The following PACRG variants were observed in gnomAD, a reference collection of about 807,000 sequenced individuals.
PACRG encodes the protein parkin coregulated.
A neutral mutation model predicts 29.7 loss-of-function variants in PACRG; 29 were observed. That is an observed-to-expected ratio of 0.98 (90% confidence interval 0.73 to 1.33). The LOEUF (loss-of-function observed/expected upper bound fraction) is 1.33. Among genes scored for constraint, PACRG ranks in the 40% most tolerant of loss-of-function variants. The pLI is 0.00. For missense variants in PACRG, 279 were observed against 316.2 expected (o/e 0.88, Z 0.89); for synonymous variants, 116 against 118.7 (o/e 0.98, Z 0.15).
At chr6:163,265,129 C>T (rs766659041) in intron 4 of PACRG, among the ~76,000 whole-genome samples, 5 of 152,148 alleles carry the variant, frequency 3.3e-5, no homozygotes, top group Admixed American at 6.5e-5. Context: ...CATGCATGAA[C>T]GAATGAATGC....
chr6:163,127,260 C>A (rs1361343253), intron 4 of PACRG, among the ~76,000 whole-genome samples: 1 of 152,190 alleles, frequency 6.6e-6, no homozygotes, highest in African/African-American at 2.4e-5. Context: ...ATATTTCAGA[C>A]AAGTATTGTT....
At chr6:163,198,206 A>C (rs2128365846) in intron 4 of PACRG, among the ~76,000 whole-genome samples, 1 of 152,354 alleles carries the variant, frequency 6.6e-6, no homozygotes, top group African/African-American at 2.4e-5. Flanking sequence ...GTGACCACAG[A>C]TTTTTAATAT....
At position 163,008,671 on chromosome 6, in the gene PACRG, G is replaced by A. The variant is rs550133292; in HGVS notation, c.292-53479G>A. On this transcript the variant is annotated intron_variant, in intron 2 of 4. Transcript: ENST00000366888. Reference sequence around the variant, plus strand: ...CTTTATTCTCGCCATCCGAGATAGCGGCTCAGCACCTCACATGGTAAGAGG... The same window carrying A: ...CTTTATTCTCGCCATCCGAGATAGCAGCTCAGCACCTCACATGGTAAGAGG... 2.7e-5 allele frequency among the ~76,000 whole-genome samples: 4 copies of A among 148,092 alleles called. No homozygotes were observed. In the South Asian group the frequency reaches 6.9e-4, roughly 26 times the overall value.
At chr6:163,256,669 C>G (rs756095766) in intron 4 of PACRG, among the ~76,000 whole-genome samples, 6 of 152,084 alleles carry the variant, frequency 3.9e-5, no homozygotes, top group Non-Finnish European at 8.8e-5. Flanking sequence ...GGCCAGTGCC[C>G]GAGTGAAGGC....
At chr6:163,089,917 A>G (rs906782297) in intron 4 of PACRG, among the ~76,000 whole-genome samples, 1 of 152,148 alleles carries the variant, frequency 6.6e-6, no homozygotes, top group African/African-American at 2.4e-5. Context: ...ATATGGCTCT[A>G]TTTTACCCTA....
intron 2 of PACRG, among the ~76,000 whole-genome samples, chr6:162,974,750 C>T (rs1429981633): frequency 6.6e-6 from 1 of 152,102 alleles, no homozygotes; most frequent in Non-Finnish European, 1.5e-5. Context: ...ATAATCTTAT[C>T]CGGGAGATAT....
chr6:163,022,897 G>A (rs1427084825), intron 2 of PACRG, among the ~76,000 whole-genome samples: 1 of 152,120 alleles, frequency 6.6e-6, no homozygotes. Flanking sequence ...CAATTTTTGT[G>A]AGTATCCCAG....
chr6:162,978,205 C>G (rs951344595), intron 2 of PACRG, among the ~76,000 whole-genome samples: 1 of 151,942 alleles, frequency 6.6e-6, no homozygotes, highest in Non-Finnish European at 1.5e-5. Flanking sequence ...AGCATGAATG[C>G]TCATTACTTA....
chr6:163,158,528 T>A (rs1008871471), intron 4 of PACRG, among the ~76,000 whole-genome samples: 1 of 152,142 alleles, frequency 6.6e-6, no homozygotes, highest in Admixed American at 6.5e-5. Context: ...CAGTAGGATG[T>A]GTGTCATTAA....
At chr6:163,309,673 T>G (rs955860391) in intron 4 of PACRG, among the ~76,000 whole-genome samples, 1 of 152,218 alleles carries the variant, frequency 6.6e-6, no homozygotes, top group African/African-American at 2.4e-5. Flanking sequence ...TAGTGTTTCC[T>G]GGGAGAATGT....
intron 2 of PACRG, among the ~76,000 whole-genome samples, chr6:162,902,884 A>G (rs781545851): frequency 6.6e-6 from 1 of 152,182 alleles, no homozygotes; most frequent in Non-Finnish European, 1.5e-5. Context: ...CTTCAATTCC[A>G]AAAGCATTTT....
At chr6:162,786,199 G>T (rs1194022411) in intron 1 of PACRG, among the ~76,000 whole-genome samples, 2 of 152,220 alleles carry the variant, frequency 1.3e-5, no homozygotes, top group Non-Finnish European at 2.9e-5. Flanking sequence ...GGCTCAGAGA[G>T]AGCCTCAGCT....
chr6:162,771,776 T>C (rs1783240762), intron 1 of PACRG, among the ~76,000 whole-genome samples: 1 of 152,206 alleles, frequency 6.6e-6, no homozygotes. Context: ...TTGATAGCTA[T>C]ATACATCTAA....
At position 163,307,582 on chromosome 6, in the gene PACRG, G is replaced by C. The variant is rs150417124; in HGVS notation, c.614-7245G>C. Among the ~76,000 whole-genome samples, 49 of 152,294 alleles carry C rather than the reference G, an allele frequency of 3.2e-4. 1 individual carries two copies. The East Asian group carries it at 6.0e-3, about 19-fold the overall frequency. The stretch of plus-strand genomic sequence containing the variant: ...GTAAGGTTGTATTTAAGGGAATGTA[G>C]GGAACCTTCGGTTTCCAAGAGAACA... On this transcript the variant is annotated intron_variant, in intron 4 of 4. Transcript: ENST00000366888.
At chr6:163,311,317 G>C (rs1785404730) in intron 4 of PACRG, among the ~76,000 whole-genome samples, 1 of 152,172 alleles carries the variant, frequency 6.6e-6, no homozygotes, top group Non-Finnish European at 1.5e-5. Flanking sequence ...CATCATCAAT[G>C]TATATTTTCT....
At chr6:162,805,122 A>G (rs1360844425) in intron 1 of PACRG, among the ~76,000 whole-genome samples, 1 of 152,194 alleles carries the variant, frequency 6.6e-6, no homozygotes, top group African/African-American at 2.4e-5. Flanking sequence ...TGGGACTACA[A>G]TGGTATATGT....
At chr6:162,978,004 C>A (rs1303109060) in intron 2 of PACRG, among the ~76,000 whole-genome samples, 2 of 151,136 alleles carry the variant, frequency 1.3e-5, no homozygotes, top group African/African-American at 4.9e-5. Flanking sequence ...ATTAGCCAGG[C>A]ATGTTGGCAG....
chr6:162,762,563 T>A (rs923262961), intron 1 of PACRG, among the ~76,000 whole-genome samples: 2 of 152,172 alleles, frequency 1.3e-5, no homozygotes, highest in Non-Finnish European at 2.9e-5. Flanking sequence ...CAGAAGTGTA[T>A]AGGGATTTTT....
intron 2 of PACRG, among the ~76,000 whole-genome samples, chr6:162,866,901 A>G (rs1205476787): frequency 6.6e-6 from 1 of 152,242 alleles, no homozygotes; most frequent in East Asian, 1.9e-4. Context: ...AAATCAGTGC[A>G]TCAGGAAAGC....
Sources: allele counts gnomAD v4.1 joint callset (sites outside exome capture counted in the v4.1 genomes callset), GRCh38; gene constraint gnomAD v4.1.1; transcripts MANE v1.5; gene names NCBI Gene and HGNC (gene_info 2026-07-23, HGNC 2026-07-21).